BCR: variants seen among roughly 807,000 people sequenced by gnomAD.
The protein encoded by BCR is BCR activator of RhoGEF and GTPase, also known as breakpoint cluster region protein.
BCR carries 58 observed loss-of-function variants against 138.6 expected under a neutral mutation model. The ratio of observed to expected loss-of-function variants is 0.42; its 90% CI spans 0.34 to 0.52. The LOEUF is 0.52. Among genes scored for constraint, BCR ranks in the 20% least tolerant of loss-of-function variants. BCR has a pLI of 0.06. For missense variants in BCR, 1,599 were observed against 1,727.2 expected (o/e 0.93, Z 1.32); for synonymous variants, 786 against 730.1 (o/e 1.08, Z -1.23).
chr22:23,200,509 G>C (rs973116021), intron 1 of BCR, among the ~76,000 whole-genome samples: 2 of 151,578 alleles, frequency 1.3e-5, no homozygotes, highest in Non-Finnish European at 2.9e-5. Context: ...TAGAGACAAG[G>C]TTTCACTATG....
At position 23,245,035 on chromosome 22, in the gene BCR, G is replaced by A. The variant is rs373907184; in HGVS notation, c.1280-8764G>A. Among the ~76,000 whole-genome samples the A allele has an allele frequency of 1.4e-4, 22 of 152,258 alleles. No individual in the cohort carries two copies. The East Asian group carries it at 1.9e-3, about 13-fold the overall frequency. On this transcript the variant is annotated intron_variant, in intron 1 of 22. Transcript: ENST00000305877. ...CCTCTGCCCACACTGAGGCACACTC[G>A]GCTTGTGGAGGAAAACGGCTGACTA... is the stretch of plus-strand genomic sequence containing the variant.
chr22:23,195,038 AG>A (rs2072461108), intron 1 of BCR, among the ~76,000 whole-genome samples: 1 of 152,088 alleles, frequency 6.6e-6, no homozygotes, highest in African/African-American at 2.4e-5. Context: ...ACACTTTGGG[AG>A]GCCGAGGCAG....
intron 16 of BCR, among the ~76,000 whole-genome samples, chr22:23,297,184 G>T (rs182177155): frequency 6.7e-6 from 1 of 149,030 alleles, no homozygotes; most frequent in East Asian, 2.0e-4. Flanking sequence ...TTACAGTCGT[G>T]CCCCACCATG....
intron 1 of BCR, among the ~76,000 whole-genome samples, chr22:23,249,653 G>A (rs541055193): frequency 3.3e-5 from 5 of 151,904 alleles, no homozygotes; most frequent in Admixed American, 6.6e-5. Flanking sequence ...GAAAAACTGC[G>A]TTTTGAAAAA....
chr22:23,283,723 G>A (rs753046175), intron 8 of BCR: 9 of 449,610 alleles, frequency 2.0e-5, no homozygotes, highest in Non-Finnish European at 3.1e-5. Context: ...CTCTTCCAAA[G>A]GCTGAACACA....
At chr22:23,269,567 T>A (rs1049610906) in intron 5 of BCR, among the ~76,000 whole-genome samples, 12 of 152,186 alleles carry the variant, frequency 7.9e-5, no homozygotes, top group African/African-American at 2.2e-4. Flanking sequence ...CTCTGATGTC[T>A]CCAGTGGTGA....
At chr22:23,250,017 G>A (rs962483273) in intron 1 of BCR, among the ~76,000 whole-genome samples, 6 of 152,252 alleles carry the variant, frequency 3.9e-5, no homozygotes, top group African/African-American at 7.2e-5. Flanking sequence ...GCGGGGTGAT[G>A]TGTCCACTTC....
At chr22:23,299,335 AC>A (rs2073879331) in intron 16 of BCR, among the ~76,000 whole-genome samples, 1 of 152,178 alleles carries the variant, frequency 6.6e-6, no homozygotes, top group Non-Finnish European at 1.5e-5. Flanking sequence ...CGCCTCTGCC[AC>A]ATGGACCATG....
At position 23,181,898 on chromosome 22, in the gene BCR, G is replaced by T. The variant is rs2072270932; in HGVS notation, c.938G>T (p.Arg313Leu). 1 of 1,613,228 alleles carries T rather than the reference G, an allele frequency of 6.2e-7. No homozygotes were observed. The highest frequency in any genetic ancestry group is 1.1e-5 in the South Asian group (1 of 91,046). ...SEQEKRLTWP[R>L]RSYSPRSFED... ...CAGGAGAAGCGCCTTACCTGGCCCC[G>T]CAGGTCCTACTCCCCCCGGAGTTTT... Residue 313 changes from arginine to leucine, a missense_variant, in exon 1 of 23, where the codon CGC becomes CTC. Physicochemically the swap from Arg to Leu is moderately radical, Grantham distance 102. Around this residue, in one of 4 missense-constraint regions of BCR, gnomAD observed 806 missense variants for 635.0 expected, o/e 1.27. Transcript: ENST00000305877.
chr22:23,288,050 G>A (rs377536318), intron 11 of BCR, 47 bp from the exon 12 acceptor site: 12 of 1,583,692 alleles, frequency 7.6e-6, no homozygotes, highest in South Asian at 3.3e-5. Flanking sequence ...AGGCATTTGC[G>A]TAGCCAGGGC....
intron 1 of BCR, chr22:23,199,406 G>C (rs1404244317): frequency 2.2e-6 from 1 of 461,776 alleles, no homozygotes; most frequent in Non-Finnish European, 4.3e-6. Context: ...TCAGGTTCCA[G>C]AAACTCTGGC....
intron 1 of BCR, among the ~76,000 whole-genome samples, chr22:23,234,612 G>C (rs2073001127): frequency 6.6e-6 from 1 of 152,206 alleles, no homozygotes; most frequent in African/African-American, 2.4e-5. Flanking sequence ...GGGGCTATCA[G>C]AATGGTGGGC....
At position 23,313,037 on chromosome 22, in the gene BCR, C is replaced by G. The variant is rs933368961; in HGVS notation, c.3457+16C>G. On this transcript the variant is annotated intron_variant, in intron 20 of 22. Coordinates refer to ENST00000305877, the MANE Select transcript of BCR (RefSeq NM_004327.4). Reference sequence around the variant, plus strand: ...GAGGGCATCGGTGAGCACTGGAGGCCTTGGCCTCATGGGAGACGTCTCCTC... The same window carrying G: ...GAGGGCATCGGTGAGCACTGGAGGCGTTGGCCTCATGGGAGACGTCTCCTC... 1 of 1,552,542 alleles carries G rather than the reference C, an allele frequency of 6.4e-7. No homozygotes were observed. The highest frequency in any genetic ancestry group is 1.4e-5 in the African/African-American group (1 of 73,922).
intron 8 of BCR, chr22:23,283,774 A>G (rs1017338042): frequency 6.3e-5 from 39 of 623,544 alleles, no homozygotes; most frequent in Middle Eastern, 8.6e-4. Flanking sequence ...GAAGTTACAC[A>G]TAAGCCCTGA....
chr22:23,293,996 C>T (rs1431924135), intron 15 of BCR, among the ~76,000 whole-genome samples: 1 of 152,310 alleles, frequency 6.6e-6, no homozygotes, highest in East Asian at 1.9e-4. Flanking sequence ...CTGGAGAGCT[C>T]GGGGAGCAGT....
chr22:23,190,338 T>G (rs920716565), intron 1 of BCR, among the ~76,000 whole-genome samples: 9 of 152,124 alleles, frequency 5.9e-5, no homozygotes, highest in Admixed American at 4.6e-4. Flanking sequence ...TGGGTAATTT[T>G]TGTATTTTTA....
chr22:23,189,570 G>A (rs2072389061), intron 1 of BCR, among the ~76,000 whole-genome samples: 1 of 151,846 alleles, frequency 6.6e-6, no homozygotes, highest in South Asian at 2.1e-4. Flanking sequence ...GCACGATCTC[G>A]GCTCACTGCA....
intron 1 of BCR, among the ~76,000 whole-genome samples, chr22:23,195,639 C>G (rs532914394): frequency 6.6e-6 from 1 of 152,134 alleles, no homozygotes; most frequent in Admixed American, 6.5e-5. Flanking sequence ...GTAATCCCAG[C>G]ACTTTGGGAG....
intron 1 of BCR, among the ~76,000 whole-genome samples, chr22:23,185,406 C>T (rs2072326981): frequency 6.6e-6 from 1 of 152,162 alleles, no homozygotes; most frequent in African/African-American, 2.4e-5. Flanking sequence ...TGGCTCAAGC[C>T]TGTAATCCCA....
Sources: gnomAD v4.1 joint callset for allele counts (sites outside exome capture counted in the v4.1 genomes callset) on GRCh38, gnomAD v4.1.1 for gene constraint, gnomAD v4.1.1 regional missense constraint, MANE v1.5 for transcripts, NCBI Gene and HGNC (gene_info 2026-07-23, HGNC 2026-07-21) for gene names.